TCERG1L: variants seen among roughly 807,000 people sequenced by gnomAD.
TCERG1L encodes transcription elongation regulator 1-like protein.
Under a neutral mutation model 56.3 loss-of-function variants are expected in TCERG1L, and 37 were observed. The observed-to-expected ratio is 0.66, with a 90% CI of 0.51 to 0.87. TCERG1L has a LOEUF of 0.87. Ranked by LOEUF, TCERG1L falls within the 40% of genes least tolerant of loss-of-function variation. The pLI is 0.00. For missense variants in TCERG1L, 799 were observed against 774.2 expected (o/e 1.03, Z -0.38); for synonymous variants, 324 against 326.3 (o/e 0.99, Z 0.08).
intron 4 of TCERG1L, among the ~76,000 whole-genome samples, chr10:131,183,906 C>G (rs61298192): frequency 6.6e-4 from 101 of 152,366 alleles, no homozygotes; most frequent in African/African-American, 2.3e-3. Flanking sequence ...CTGCCATGCA[C>G]TTGCAAAGGC....
chr10:131,216,270 A>G (rs949560587), intron 4 of TCERG1L, among the ~76,000 whole-genome samples: 9 of 152,134 alleles, frequency 5.9e-5, no homozygotes, highest in Non-Finnish European at 1.5e-5. Flanking sequence ...GGTGTAAGAC[A>G]ATATGGAAGG....
At chr10:131,101,398 G>A (rs1247706857) in intron 10 of TCERG1L, among the ~76,000 whole-genome samples, 1 of 152,238 alleles carries the variant, frequency 6.6e-6, no homozygotes, top group African/African-American at 2.4e-5. Flanking sequence ...TTTTCTTTTT[G>A]CGGTGAGAAT....
At chr10:131,181,785 A>C (rs1845178734) in intron 4 of TCERG1L, among the ~76,000 whole-genome samples, 1 of 152,206 alleles carries the variant, frequency 6.6e-6, no homozygotes, top group Non-Finnish European at 1.5e-5. Flanking sequence ...TGCAAAATGC[A>C]CTTGTTCATC....
intron 4 of TCERG1L, among the ~76,000 whole-genome samples, chr10:131,239,603 C>T (rs1461018489): frequency 6.6e-6 from 1 of 152,218 alleles, no homozygotes; most frequent in Non-Finnish European, 1.5e-5. Context: ...ACATCCATCG[C>T]ACCAGAGTCA....
At chr10:131,152,293 A>G (rs1170064625) in intron 6 of TCERG1L, among the ~76,000 whole-genome samples, 5 of 152,088 alleles carry the variant, frequency 3.3e-5, no homozygotes, top group Non-Finnish European at 7.4e-5. Context: ...CAGACACCCT[A>G]AATCATCTCT....
chr10:131,286,920 G>C (rs1846549697), intron 3 of TCERG1L, among the ~76,000 whole-genome samples: 1 of 152,212 alleles, frequency 6.6e-6, no homozygotes, highest in Non-Finnish European at 1.5e-5. Context: ...CCCAGATCGA[G>C]ACGTGTTGCG....
chr10:131,219,153 G>T (rs190758262), intron 4 of TCERG1L, among the ~76,000 whole-genome samples: 43 of 152,220 alleles, frequency 2.8e-4, no homozygotes, highest in African/African-American at 1.0e-3. Context: ...GCCCTCCCTG[G>T]CCTGGCTCTG....
intron 3 of TCERG1L, among the ~76,000 whole-genome samples, chr10:131,292,311 A>G (rs1034209045): frequency 6.6e-6 from 1 of 152,112 alleles, no homozygotes; most frequent in African/African-American, 2.4e-5. Flanking sequence ...TGGTCGATTG[A>G]TGGGATATTG....
intron 10 of TCERG1L, among the ~76,000 whole-genome samples, chr10:131,102,804 C>T (rs775228558): frequency 5.3e-5 from 8 of 152,138 alleles, no homozygotes; most frequent in African/African-American, 1.4e-4. Flanking sequence ...ACGTGATCCA[C>T]GGGCCACACA....
chr10:131,158,138 C>G (rs192236367), intron 6 of TCERG1L, among the ~76,000 whole-genome samples: 1 of 152,354 alleles, frequency 6.6e-6, no homozygotes, highest in South Asian at 2.1e-4. Context: ...GCCGCCCGTC[C>G]GCTGCCGGCA....
intron 3 of TCERG1L, among the ~76,000 whole-genome samples, chr10:131,280,981 T>C (rs1046583549): frequency 6.6e-6 from 1 of 152,250 alleles, no homozygotes; most frequent in Non-Finnish European, 1.5e-5. Flanking sequence ...ATATTCATCA[T>C]TTGACCTTTT....
At chr10:131,285,133 T>C (rs952110866) in intron 3 of TCERG1L, among the ~76,000 whole-genome samples, 3 of 152,062 alleles carry the variant, frequency 2.0e-5, no homozygotes, top group African/African-American at 4.8e-5. Flanking sequence ...ATCCCAGGAA[T>C]GTGGGAGGCC....
chr10:131,283,025 ATT>A (rs1266069651), intron 3 of TCERG1L, among the ~76,000 whole-genome samples: 1 of 152,224 alleles, frequency 6.6e-6, no homozygotes, highest in Non-Finnish European at 1.5e-5. Flanking sequence ...AGGGTATATA[ATT>A]TGAGACAAAA....
chr10:131,258,542 A>C (rs1308751802), intron 4 of TCERG1L, among the ~76,000 whole-genome samples: 1 of 152,204 alleles, frequency 6.6e-6, no homozygotes, highest in Admixed American at 6.5e-5. Context: ...GTCCAGACCC[A>C]GCCTCCTGGT....
In TCERG1L at chr10:131,093,438, G is replaced by A. The variant is rs566488588; in HGVS notation, c.1605-120C>T. On this transcript the variant is annotated intron_variant, in intron 11 of 11. Coordinates refer to ENST00000368642, the MANE Select transcript of TCERG1L (RefSeq NM_174937.4). Reference sequence around the variant, plus strand: ...CCTTCCACCAGGCCTGGCCGTGGGTGGCAGGGCACCCGGTGGGTGAGCGGC... The same window carrying A: ...CCTTCCACCAGGCCTGGCCGTGGGTAGCAGGGCACCCGGTGGGTGAGCGGC... 4.5e-5 allele frequency: 56 copies of A among 1,250,380 alleles called. No individual in the cohort carries two copies. In the African/African-American group the frequency reaches 6.0e-4, roughly 13 times the overall value. 77.5% of individuals were successfully genotyped at this position (1,250,380 alleles called of 1,614,324 possible).
At chr10:131,229,824 C>T (rs931330874) in intron 4 of TCERG1L, among the ~76,000 whole-genome samples, 1 of 150,352 alleles carries the variant, frequency 6.7e-6, no homozygotes, top group Non-Finnish European at 1.5e-5. Flanking sequence ...GGTAAGTAAC[C>T]TTAATAAAAT....
intron 4 of TCERG1L, among the ~76,000 whole-genome samples, chr10:131,254,991 C>G (rs74964133): frequency 0.037 from 5,572 of 152,152 alleles, 167 homozygotes; most frequent in Middle Eastern, 0.072. Flanking sequence ...GAGGCAGAGG[C>G]TGGGCTGGAG....
chr10:131,117,272 C>T (rs1464043079), intron 8 of TCERG1L, among the ~76,000 whole-genome samples: 1 of 152,208 alleles, frequency 6.6e-6, no homozygotes, highest in Non-Finnish European at 1.5e-5. Flanking sequence ...ATACTGCCCA[C>T]GGCCCACGGC....
In TCERG1L at chr10:131,304,249, T is replaced by C. The variant is rs572878515; in HGVS notation, c.670+3962A>G. Among the ~76,000 whole-genome samples, 281 of 152,196 alleles carry C rather than the reference T, an allele frequency of 1.8e-3. 5 individuals carry two copies. Among genetic ancestry groups the C allele is most frequent in the African/African-American group, 6.7e-3 (277 of 41,460 alleles). On this transcript the variant is annotated intron_variant, in intron 3 of 11. Transcript: ENST00000368642. ...TTTGCTGGAAAGAAGCTGAATTAAC[T>C]ACTTTCTCCTCCCACTGCTTGATAT... is the stretch of plus-strand genomic sequence containing the variant.
Sources: allele counts gnomAD v4.1 joint callset (sites outside exome capture counted in the v4.1 genomes callset), GRCh38; gene constraint gnomAD v4.1.1; transcripts MANE v1.5; gene names NCBI Gene and HGNC (gene_info 2026-07-23, HGNC 2026-07-21).